DAB2IP: variants seen among roughly 807,000 people sequenced by gnomAD.
DAB2IP encodes the protein DAB2 interacting protein, also known as disabled homolog 2-interacting protein.
In DAB2IP, 28 loss-of-function variants were observed where a neutral mutation model predicts 107.2. That is an observed-to-expected ratio of 0.26 (90% CI 0.19 to 0.36). DAB2IP has a LOEUF of 0.36. Ranked by LOEUF, DAB2IP falls within the 10% of genes least tolerant of loss-of-function variation. The pLI is 1.00. For missense variants in DAB2IP, 1,400 were observed against 1,644.7 expected (o/e 0.85, Z 2.57); for synonymous variants, 755 against 706.4 (o/e 1.07, Z -1.09).
intron 3 of DAB2IP, among the ~76,000 whole-genome samples, chr9:121,755,850 C>T (rs1371539697): frequency 6.6e-6 from 1 of 152,170 alleles, no homozygotes; most frequent in Non-Finnish European, 1.5e-5. Flanking sequence ...CCCTCAAGGT[C>T]AGGGACCAAG....
rs764821242 is a variant in DAB2IP, at chr9:121,759,873, G to A, written c.616-12G>A. 250 of 1,607,052 alleles carry A rather than the reference G, an allele frequency of 1.6e-4. No homozygotes were observed. Among genetic ancestry groups the A allele is most frequent in the Non-Finnish European group, 2.0e-4 (233 of 1,175,818 alleles). On this transcript the variant is annotated splice_polypyrimidine_tract_variant and intron_variant, in intron 5 of 15. Coordinates refer to ENST00000408936, the Ensembl canonical transcript of DAB2IP. Reference sequence around the variant, plus strand: ...CCCCAGCTGACCACCCTGGACCCCCGTGCACATACAGGACAACAGCCGGCG... The same window carrying A: ...CCCCAGCTGACCACCCTGGACCCCCATGCACATACAGGACAACAGCCGGCG...
At chr9:121,588,187 A>T (rs971756316) in intron 1 of DAB2IP, among the ~76,000 whole-genome samples, 1 of 152,130 alleles carries the variant, frequency 6.6e-6, no homozygotes, top group African/African-American at 2.4e-5. Context: ...AGGGAAAAAA[A>T]GGTCAAGACC....
Position 121,782,938 on chromosome 9 carries a change from G to A in DAB2IP, c.*440G>A, listed in dbSNP as rs181038981. On this transcript the variant is annotated 3_prime_UTR_variant, in exon 16 of 16. Transcript: ENST00000408936. This position sits in a 1 kb window ranked among gnomAD's most constrained non-coding sequence, Gnocchi z 6.1. ...TGGCTTCCCCTCGCCTCCTTGGGGG[G>A]CCCGGGACTCCCTGGCAGCCAGGCC... 4 of 1,020,266 alleles carry A rather than the reference G, an allele frequency of 3.9e-6. No individual in the cohort carries two copies. In the East Asian group the frequency reaches 3.6e-4, roughly 93 times the overall value. The allele number at this position is 1,020,266 out of a possible 1,614,324, so 63.2% of individuals were successfully genotyped here.
intron 1 of DAB2IP, among the ~76,000 whole-genome samples, chr9:121,672,227 A>G (rs1000987838): frequency 1.3e-5 from 2 of 152,340 alleles, no homozygotes; most frequent in Admixed American, 6.5e-5. Context: ...TGCCGAGGAC[A>G]CAGGGACACC....
At chr9:121,781,547 C>T in exon 15 of DAB2IP, 1 of 1,613,826 alleles carries the variant, frequency 6.2e-7, no homozygotes, top group Non-Finnish European at 8.5e-7. Context: ...ATCATTGATG[C>T]CCAGGTGGGG....
chr9:121,585,881 G>A (rs1830301679), intron 1 of DAB2IP, among the ~76,000 whole-genome samples: 2 of 151,978 alleles, frequency 1.3e-5, no homozygotes, highest in East Asian at 1.9e-4. Flanking sequence ...ATGAATGAAT[G>A]TAAGAAAAAT....
At chr9:121,614,342 T>TTC (rs1554849191) in intron 1 of DAB2IP, among the ~76,000 whole-genome samples, 3 of 104,678 alleles carry the variant, frequency 2.9e-5, no homozygotes, top group African/African-American at 8.6e-5. Flanking sequence ...CTTTTCTTTT[T>TTC]TTTTTTTTTT....
intron 1 of DAB2IP, among the ~76,000 whole-genome samples, chr9:121,578,914 C>T (rs1830127633): frequency 6.6e-6 from 1 of 151,856 alleles, no homozygotes; most frequent in African/African-American, 2.4e-5. Flanking sequence ...TGCTTCCCCA[C>T]TGGCATTGTG....
intron 3 of DAB2IP, among the ~76,000 whole-genome samples, chr9:121,728,290 GA>G (rs1831344406): frequency 6.6e-6 from 1 of 152,140 alleles, no homozygotes; most frequent in Non-Finnish European, 1.5e-5. Context: ...GGCATCCTGT[GA>G]TCAGTTTTGG....
At chr9:121,567,156 C>A in exon 1 of DAB2IP, 1 of 1,613,902 alleles carries the variant, frequency 6.2e-7, no homozygotes, top group Non-Finnish European at 8.5e-7. Context: ...GTTCATAAAT[C>A]AGGTGGGGCC....
intron 1 of DAB2IP, among the ~76,000 whole-genome samples, chr9:121,645,009 G>A (rs1267656500): frequency 1.3e-5 from 2 of 152,202 alleles, no homozygotes; most frequent in African/African-American, 4.8e-5. Flanking sequence ...GAAGGGAGGG[G>A]GCTCCCTGAC....
At chr9:121,737,456 C>T (rs1589610923) in intron 3 of DAB2IP, 1 of 985,488 alleles carries the variant, frequency 1.0e-6, no homozygotes, top group Non-Finnish European at 1.2e-6. Context: ...CCCTCCTAGG[C>T]TCACCTCTTA....
In DAB2IP at chr9:121,633,628, C is replaced by A. The variant is rs1831975734; in HGVS notation, c.41-45050C>A. On this transcript the variant is annotated intron_variant, in intron 1 of 16. Transcript: ENST00000259371. The surrounding 1 kb of genome is among the most constrained non-coding windows in gnomAD (Gnocchi z 5.1). ...CTTTTAAGACCTGGCAGGCTCTATC[C>A]CCCTTGGTGCTCTCAGACCATTGCC... Among the ~76,000 whole-genome samples the A allele has an allele frequency of 6.6e-6, 1 of 152,152 alleles. No homozygotes were observed. The highest frequency in any genetic ancestry group is 1.5e-5 in the Non-Finnish European group (1 of 68,020).
chr9:121,729,653 G>T (rs1408945637), intron 3 of DAB2IP, among the ~76,000 whole-genome samples: 3 of 152,170 alleles, frequency 2.0e-5, no homozygotes, highest in African/African-American at 7.2e-5. Flanking sequence ...CTTTACATAG[G>T]TTGTCATTAA....
chr9:121,580,872 A>C (rs969615930), intron 1 of DAB2IP, among the ~76,000 whole-genome samples: 63 of 152,172 alleles, frequency 4.1e-4, no homozygotes, highest in Non-Finnish European at 8.8e-4. Context: ...TGATCCACCC[A>C]CCTTGGCCTC....
intron 9 of DAB2IP, among the ~76,000 whole-genome samples, chr9:121,767,970 G>A (rs577335947): frequency 6.6e-6 from 1 of 152,252 alleles, no homozygotes; most frequent in South Asian, 2.1e-4. Context: ...CTCCACTTAG[G>A]GTAGGGAGCT....
chr9:121,606,892 A>G (rs1830899402), intron 1 of DAB2IP, among the ~76,000 whole-genome samples: 1 of 151,394 alleles, frequency 6.6e-6, no homozygotes, highest in African/African-American at 2.4e-5. Context: ...CTCCTGTCTC[A>G]GCCTCCCGAG....
intron 1 of DAB2IP, among the ~76,000 whole-genome samples, chr9:121,578,848 C>T (rs569771729): frequency 3.5e-4 from 51 of 146,972 alleles, no homozygotes; most frequent in South Asian, 1.8e-3. Flanking sequence ...TCAAGCTATT[C>T]TCCTGCCTCA....
intron 1 of DAB2IP, among the ~76,000 whole-genome samples, chr9:121,674,459 G>C (rs781077290): frequency 2.0e-5 from 3 of 152,154 alleles, no homozygotes; most frequent in Non-Finnish European, 4.4e-5. Context: ...TCAGGGAGGA[G>C]AGCCAGCCGC....
Sources: allele counts gnomAD v4.1 joint callset (sites outside exome capture counted in the v4.1 genomes callset), GRCh38; gene constraint gnomAD v4.1.1; non-coding constraint Gnocchi (gnomAD v3.1); transcripts MANE v1.5; gene names NCBI Gene and HGNC (gene_info 2026-07-23, HGNC 2026-07-21).